Variants in GTSE1 observed in about 807,000 individuals in gnomAD.
The protein encoded by GTSE1 is G2 and S-phase expressed 1.
In GTSE1, 52 loss-of-function variants were observed where a neutral mutation model predicts 60.5. The ratio of observed to expected loss-of-function variants is 0.86; its 90% CI spans 0.69 to 1.08. The LOEUF is 1.08. Ranked by LOEUF, GTSE1 falls within the 50% of genes least tolerant of loss-of-function variation. The probability of loss-of-function intolerance (pLI) is 0.00; values close to 1 mark genes in which losing one functional copy is unlikely to be tolerated. For synonymous variants in GTSE1, 368 were observed against 386.5 expected (o/e 0.95, Z 0.56); for missense variants, 937 against 961.8 (o/e 0.97, Z 0.34).
intron 1 of GTSE1, 44 bp downstream of exon 1, chr22:46,296,975 CCGGTGCGGCG>C (rs1465623445): frequency 1.7e-5 from 3 of 180,230 alleles, no homozygotes; most frequent in Admixed American, 1.2e-4. Flanking sequence ...CCCGGTGGGC[CCGGTGCGGCG>C]CGGTGCCCGC....
In GTSE1 at chr22:46,313,166, T is replaced by TAAAA. The variant is rs778559566; in HGVS notation, c.928-707_928-704dup. ...CTGGGCAACAGAGTGAGACCCTGTC[T>TAAAA]AAAAAAAAAAAAAAAAAAAAGGAAA... On this transcript the variant is annotated intron_variant, in intron 5 of 11. Transcript: ENST00000454366. The surrounding 1 kb of genome is among the most constrained non-coding windows in gnomAD (Gnocchi z 4.4). Among the ~76,000 whole-genome samples the TAAAA allele has an allele frequency of 3.6e-5, 3 of 82,206 alleles. No homozygotes were observed. The highest frequency in any genetic ancestry group is 1.3e-4 in the African/African-American group (3 of 23,070). 53.9% of individuals were successfully genotyped at this position (82,206 alleles called of 152,430 possible). A position where few individuals can be genotyped will look rare whatever the true frequency, so the allele number is the denominator to read the frequency against.
rs140963067 is a variant in GTSE1 at position 46,312,180 on chromosome 22, A to T, written c.802A>T (p.Ile268Phe). ...TCCAGCTAGTCCTTCCAGGACAAAA[A>T]TCCCAGCTGAGAAGGAATCCCACCG... ...EIPASPSRTK[I>F]PAEKESHRDV... The change falls in exon 5 of 12, where the codon ATC becomes TTC. Residue 268 changes from isoleucine (I) to phenylalanine (F), a missense_variant. Physicochemically the swap from Ile to Phe is conservative, Grantham distance 21 (BLOSUM62 0). Transcript: ENST00000454366. The T allele has an allele frequency of 1.9e-6, 3 of 1,613,896 alleles. No individual in the cohort carries two copies. Among genetic ancestry groups the T allele is most frequent in the Non-Finnish European group, 2.5e-6 (3 of 1,179,902 alleles).
chr22:46,323,192 G>A lies in GTSE1; in HGVS notation c.1435G>A (p.Asp479Asn), dbSNP rs1246644602. The stretch of plus-strand genomic sequence containing the variant: ...CACACTTCCTTTCTTGGACTTAGGT[G>A]ACTCCCCGGACAGCTCAACACCAAA... ...QFKIPKFSIG[D>N]SPDSSTPKLS... Residue 479 changes from aspartate (D) to asparagine (N), a missense_variant and splice_region_variant, in exon 8 of 12, where the codon GAC (aspartate) becomes AAC (asparagine). By Grantham distance (23) the Asp-to-Asn change is conservative. Transcript: ENST00000454366. 2 of 1,612,108 alleles carry A rather than the reference G, an allele frequency of 1.2e-6. No homozygotes were observed. Among genetic ancestry groups the A allele is most frequent in the Non-Finnish European group, 1.7e-6 (2 of 1,178,234 alleles).
chr22:46,326,433 C>T lies in GTSE1; in HGVS notation c.1506-3C>T. The T allele has an allele frequency of 6.3e-7, 1 of 1,594,720 alleles. No homozygotes were observed. The highest frequency in any genetic ancestry group is 8.6e-7 in the Non-Finnish European group (1 of 1,165,530). ...CTCACGACACTGATGTTGTGTTTGCCAGGGTCACTGTCCACAGCACCCCGG... is the reference window on the plus strand; with the variant it reads ...CTCACGACACTGATGTTGTGTTTGCTAGGGTCACTGTCCACAGCACCCCGG... On this transcript the variant is annotated splice_region_variant and splice_polypyrimidine_tract_variant and intron_variant, in intron 8 of 11. Transcript: ENST00000454366.
Position 46,318,662 on chromosome 22 carries a change from G to A in GTSE1, c.1432+2250G>A, listed in dbSNP as rs1158159499. Among the ~76,000 whole-genome samples, 1 of 152,146 alleles carries A rather than the reference G, an allele frequency of 6.6e-6. No individual in the cohort carries two copies. Among genetic ancestry groups the A allele is most frequent in the Non-Finnish European group, 1.5e-5 (1 of 68,018 alleles). ...GCAGCCGGTAGGAAAGTGCAAGGGG[G>A]AGCACTCCAGGCAGAGGCAACGGCA... On this transcript the variant is annotated intron_variant, in intron 7 of 11. Coordinates refer to ENST00000454366, the MANE Select transcript of GTSE1 (RefSeq NM_016426.7). This position sits in a 1 kb window ranked among gnomAD's most constrained non-coding sequence, Gnocchi z 4.8.
Position 46,304,251 on chromosome 22 carries a change from T to A in GTSE1, c.80-3899T>A, listed in dbSNP as rs114122357. 0.037 allele frequency among the ~76,000 whole-genome samples: 5,582 copies of A among 152,068 alleles called. 339 individuals are homozygous for A. Among genetic ancestry groups the A allele is most frequent in the African/African-American group, 0.13 (5,248 of 41,486 alleles). ...TCAAGTGATCCTCCTTGGCCTCCCA[T>A]AGTGCTGGGATTACAGGCACAGGCC... On this transcript the variant is annotated intron_variant, in intron 2 of 11. Transcript: ENST00000454366. The surrounding 1 kb of genome is among the most constrained non-coding windows in gnomAD (Gnocchi z 4.4).
In GTSE1 at chr22:46,308,896, C is replaced by T. The variant is rs566751040; in HGVS notation, c.715C>T (p.Arg239Ter). 1.6e-5 allele frequency: 26 copies of T among 1,613,014 alleles called. No homozygotes were observed. The highest frequency in any genetic ancestry group is 1.6e-4 in the Middle Eastern group (1 of 6,084). Residue 239 changes from arginine to a stop codon, truncating the protein, a stop_gained, in exon 4 of 12, where the codon CGA becomes TGA. Coordinates refer to ENST00000454366, the MANE Select transcript of GTSE1 (RefSeq NM_016426.7). LOFTEE classifies it high-confidence loss of function. ...RKPGTKLLLP[R>*]AASVRGRSIP... The stretch of plus-strand genomic sequence containing the variant: ...GCCCGGGACCAAATTGCTGCTGCCT[C>T]GAGCGGCCTCTGTTAGAGGAAGAAG...
rs2077783352 is a variant in GTSE1 at position 46,316,721 on chromosome 22, T to A, written c.1432+309T>A. Among the ~76,000 whole-genome samples the A allele has an allele frequency of 6.6e-6, 1 of 152,188 alleles. No homozygotes were observed. The highest frequency in any genetic ancestry group is 1.5e-5 in the Non-Finnish European group (1 of 68,034). ...TTTGAGGTGGCTTTCTTTGCCTTTA[T>A]CCCGCTGAGGGTTTCTTAAGCTTCT... On this transcript the variant is annotated intron_variant, in intron 7 of 11. Coordinates refer to ENST00000454366, the MANE Select transcript of GTSE1 (RefSeq NM_016426.7). The surrounding 1 kb of genome is among the most constrained non-coding windows in gnomAD (Gnocchi z 5.0).
Position 46,310,700 on chromosome 22 carries a change from G to C in GTSE1, c.763-1441G>C, listed in dbSNP as rs542705164. On this transcript the variant is annotated intron_variant, in intron 4 of 11. Transcript: ENST00000454366. The surrounding 1 kb of genome is among the most constrained non-coding windows in gnomAD (Gnocchi z 4.4). ...TCACAGCACTTTGGGAAGCCAAGGTGGGCGAATCACCTGAGGTCAGGAGTT... is the reference window on the plus strand; with the variant it reads ...TCACAGCACTTTGGGAAGCCAAGGTCGGCGAATCACCTGAGGTCAGGAGTT... 2.0e-5 allele frequency among the ~76,000 whole-genome samples: 3 copies of C among 152,330 alleles called. No individual in the cohort carries two copies. The South Asian group carries it at 6.2e-4, about 32-fold the overall frequency.
In GTSE1 at chr22:46,309,972, C is replaced by T. The variant is rs1601905563; in HGVS notation, c.762+1029C>T. ...GAGAGGTGGTGTGATTTGGGCTGCTCCAGACCCATCGAAGTATCTCTTTTG... is the reference window on the plus strand; with the variant it reads ...GAGAGGTGGTGTGATTTGGGCTGCTTCAGACCCATCGAAGTATCTCTTTTG... On this transcript the variant is annotated intron_variant, in intron 4 of 11. Transcript: ENST00000454366. This position sits in a 1 kb window ranked among gnomAD's most constrained non-coding sequence, Gnocchi z 6.2. 6.6e-6 allele frequency among the ~76,000 whole-genome samples: 1 copy of T among 152,198 alleles called. No homozygotes were observed. Among genetic ancestry groups the T allele is most frequent in the African/African-American group, 2.4e-5 (1 of 41,460 alleles).
intron 8 of GTSE1, among the ~76,000 whole-genome samples, chr22:46,323,940 C>T (rs886771477): frequency 3.3e-5 from 5 of 152,178 alleles, no homozygotes; most frequent in African/African-American, 9.7e-5. Flanking sequence ...GATCCGCCCG[C>T]CTCTGCCTCC....
Position 46,329,477 on chromosome 22 carries a change from A to G in GTSE1, c.2046A>G (p.Val682=), listed in dbSNP as rs760684023. The G allele has an allele frequency of 9.9e-6, 16 of 1,614,180 alleles. No individual in the cohort carries two copies. In the South Asian group the frequency reaches 1.8e-4, roughly 18 times the overall value. The change falls in exon 11 of 12, where the codon GTA becomes GTG. Residue 682 remains valine (V), a synonymous_variant. Coordinates refer to ENST00000454366, the MANE Select transcript of GTSE1 (RefSeq NM_016426.7). The surrounding 1 kb of genome is among the most constrained non-coding windows in gnomAD (Gnocchi z 6.4). ...ATACCCCAGAAGCACACGTGGCTGT[A>G]GGATCTGAAAGCAGGCCTCTGATCG... ...FCDTPEAHVA[V]GSESRPLIDL...
At position 46,326,666 on chromosome 22, in the gene GTSE1, A is replaced by C; in HGVS notation, c.1724+12A>C. 1 of 1,568,440 alleles carries C rather than the reference A, an allele frequency of 6.4e-7. No individual in the cohort carries two copies. The highest frequency in any genetic ancestry group is 1.2e-5 in the South Asian group (1 of 86,418). The stretch of plus-strand genomic sequence containing the variant: ...AACTCTGCAATGAGGTAAGACACGA[A>C]GGTGGTAATAAATTGGTCTCAAATT... On this transcript the variant is annotated intron_variant, in intron 9 of 11. Coordinates refer to ENST00000454366, the MANE Select transcript of GTSE1 (RefSeq NM_016426.7).
Position 46,309,848 on chromosome 22 carries a change from C to T in GTSE1, c.762+905C>T, listed in dbSNP as rs3788678. 1.6e-3 allele frequency among the ~76,000 whole-genome samples: 240 copies of T among 152,292 alleles called. 7 individuals are homozygous for T. The East Asian group carries it at 0.044, about 28-fold the overall frequency. ...GCCCGTTTGGGATGTAGATTCCTAC[C>T]GTGATGTTTCTAGAATGAGAGTGGG... On this transcript the variant is annotated intron_variant, in intron 4 of 11. Transcript: ENST00000454366. The surrounding 1 kb of genome is among the most constrained non-coding windows in gnomAD (Gnocchi z 6.2).
intron 2 of GTSE1, among the ~76,000 whole-genome samples, chr22:46,306,349 T>A (rs911157683): frequency 1.3e-5 from 2 of 151,328 alleles, no homozygotes; most frequent in Admixed American, 1.3e-4. Flanking sequence ...GCCCGGCTAA[T>A]TTTTTGCATT....
chr22:46,330,250 G>A lies in GTSE1; in HGVS notation c.*120G>A, dbSNP rs2077868785. ...TAACCCTAGAACTTGGGAGGCTGAG[G>A]TGGGCGGATTACTTGAGCCCAGGAG... On this transcript the variant is annotated 3_prime_UTR_variant, in exon 12 of 12. Coordinates refer to ENST00000454366, the MANE Select transcript of GTSE1 (RefSeq NM_016426.7). This position sits in a 1 kb window ranked among gnomAD's most constrained non-coding sequence, Gnocchi z 6.0. 1.5e-6 allele frequency: 1 copy of A among 669,124 alleles called. No homozygotes were observed. The highest frequency in any genetic ancestry group is 2.8e-6 in the Non-Finnish European group (1 of 362,416). 41.4% of individuals were successfully genotyped at this position (669,124 alleles called of 1,614,324 possible).
intron 2 of GTSE1, among the ~76,000 whole-genome samples, chr22:46,305,831 T>G (rs889832716): frequency 6.6e-6 from 1 of 151,166 alleles, no homozygotes; most frequent in Non-Finnish European, 1.5e-5. Context: ...CTCTTGAACC[T>G]GGGAGGCGGA....
chr22:46,303,805 T>C (rs978553805), intron 2 of GTSE1, among the ~76,000 whole-genome samples: 11 of 152,162 alleles, frequency 7.2e-5, no homozygotes, highest in African/African-American at 2.4e-4. Context: ...GAAATGGGAA[T>C]GTTGTCGTGT....
Position 46,297,350 on chromosome 22 carries a change from C to T in GTSE1, c.-21-30C>T. On this transcript the variant is annotated intron_variant, in intron 1 of 11. Transcript: ENST00000454366. This position sits in a 1 kb window ranked among gnomAD's most constrained non-coding sequence, Gnocchi z 4.9. ...CCGGAGCCCTGGGCCCTGACACGTA[C>T]TCACTTTCTGGCCCCGTTCCACCCT... The T allele has an allele frequency of 1.6e-6, 2 of 1,251,702 alleles. No homozygotes were observed. Among genetic ancestry groups the T allele is most frequent in the Admixed American group, 3.4e-5 (2 of 59,616 alleles). The allele number at this position is 1,251,702 out of a possible 1,614,324, so 77.5% of individuals were successfully genotyped here.
Sources: allele counts gnomAD v4.1 joint callset (sites outside exome capture counted in the v4.1 genomes callset), GRCh38; gene constraint gnomAD v4.1.1; non-coding constraint Gnocchi (gnomAD v3.1); transcripts MANE v1.5; gene names NCBI Gene and HGNC (gene_info 2026-07-23, HGNC 2026-07-21).